Variants in RDH13 observed in about 807,000 individuals in gnomAD.
The protein encoded by RDH13 is retinol dehydrogenase 13 (all-trans and 9-cis).
A neutral mutation model predicts 28.3 loss-of-function variants in RDH13; 35 were observed. The ratio of observed to expected loss-of-function variants is 1.24; its 90% CI spans 0.95 to 1.64. The LOEUF (loss-of-function observed/expected upper bound fraction) is 1.64, where lower values mean the gene tolerates loss of function less well. RDH13 is among the 40% of genes most tolerant of loss of function. The pLI, the probability that RDH13 is intolerant of heterozygous loss-of-function variation, is 0.00. For missense variants in RDH13, 514 were observed against 446.3 expected, an observed-to-expected ratio of 1.15 and a Z score of -1.37; for synonymous variants, 229 against 198.5, an observed-to-expected ratio of 1.15 and a Z score of -1.29.
At chr19:55,048,891 G>T in intron 3 of RDH13, 128 bp from the exon 4 acceptor site, 1 of 809,402 alleles carries the variant, frequency 1.2e-6, no homozygotes, top group Non-Finnish European at 2.0e-6. Context: ...GGTCTGTGCC[G>T]AAGTGGCCAT....
Position 55,044,846 on chromosome 19 carries a change from CCT to C in RDH13, c.*226_*227del, listed in dbSNP as rs907261388. 7.4e-5 allele frequency: 36 copies of C among 486,880 alleles called. No individual in the cohort carries two copies. Among genetic ancestry groups the C allele is most frequent in the Non-Finnish European group, 1.2e-4 (33 of 278,444 alleles). 30.2% of individuals were successfully genotyped at this position (486,880 alleles called of 1,614,324 possible). ...TTCCCAGGGGAAGCATCAGATGGCCCCTCTCCCCTGCTGGCAGCAGAGCAGAC... is the reference window on the plus strand; with the variant it reads ...TTCCCAGGGGAAGCATCAGATGGCCCCTCCCCTGCTGGCAGCAGAGCAGAC... On this transcript the variant is annotated 3_prime_UTR_variant, in exon 7 of 7. Transcript: ENST00000415061.
rs1241791139 is a variant in RDH13, at chr19:55,045,053, C to G, written c.*21G>C. The G allele has an allele frequency of 6.5e-7, 1 of 1,542,972 alleles. No homozygotes were observed. The highest frequency in any genetic ancestry group is 2.3e-5 in the East Asian group (1 of 44,122). ...CCTCGGTCTGGAGGCGCCATCCTGG[C>G]TTTCAAATCTGCTCCAGAGGTTATC... On this transcript the variant is annotated 3_prime_UTR_variant, in exon 7 of 7. Transcript: ENST00000415061.
downstream of RDH13, among the ~76,000 whole-genome samples, chr19:55,040,041 A>C (rs896043041): frequency 6.6e-6 from 1 of 152,116 alleles, no homozygotes; most frequent in African/African-American, 2.4e-5. Context: ...AAAAGTGGGG[A>C]GTTACTATTT....
chr19:55,048,680 G>A lies in RDH13; in HGVS notation c.424C>T (p.Gln142Ter). Residue 142 changes from glutamine to a stop codon, truncating the protein, a stop_gained, in exon 4 of 7, where the codon CAG (glutamine) becomes TAG (stop). Coordinates refer to ENST00000415061, the MANE Select transcript of RDH13 (RefSeq NM_001145971.2). LOFTEE classifies it high-confidence loss of function. ...HWTTEDGFEM[Q>*]FGVNHLGHFL... Reference sequence around the variant, plus strand: ...TCACCCAGGTGGTTAACGCCAAACTGCATCTCGAAGCCGTCCTCGGTGGTC... The same window carrying A: ...TCACCCAGGTGGTTAACGCCAAACTACATCTCGAAGCCGTCCTCGGTGGTC... 2.5e-6 allele frequency: 4 copies of A among 1,613,988 alleles called. No individual in the cohort carries two copies. Among genetic ancestry groups the A allele is most frequent in the Non-Finnish European group, 3.4e-6 (4 of 1,179,994 alleles).
intron 2 of RDH13, among the ~76,000 whole-genome samples, chr19:55,057,810 AT>A (rs1276890306): frequency 1.2e-5 from 1 of 85,422 alleles, no homozygotes; most frequent in African/African-American, 4.3e-5. Context: ...TTTGTTTATT[AT>A]TATTTTTTTT....
chr19:55,064,044 T>G (rs934378439), upstream of RDH13: 1 of 152,132 alleles, frequency 6.6e-6, no homozygotes, highest in Non-Finnish European at 1.5e-5. Context: ...AGGAGTAAGT[T>G]TTCTTCCTCA....
intron 3 of RDH13, among the ~76,000 whole-genome samples, chr19:55,056,156 TCAAAA>T (rs1363773283): frequency 1.3e-5 from 2 of 150,428 alleles, no homozygotes; most frequent in East Asian, 2.0e-4. Flanking sequence ...CCCATCTGTC[TCAAAA>T]CAAACAAACA....
chr19:55,048,400 G>A lies in RDH13; in HGVS notation c.587C>T (p.Thr196Ile), dbSNP rs1479480902. The A allele has an allele frequency of 3.1e-6, 5 of 1,614,190 alleles. No homozygotes were observed. Among genetic ancestry groups the A allele is most frequent in the Admixed American group, 1.7e-5 (1 of 60,008 alleles). ...CTTGCTCTGGCAGTAGGCGGCTTTG[G>A]TGTTATACTTCCTCGTCTGCCAGTT... ...DLNWQTRKYN[T>I]KAAYCQSKLA... The change falls in exon 5 of 7, where the codon ACC (threonine) becomes ATC (isoleucine). Residue 196 changes from threonine to isoleucine, a missense_variant. By Grantham distance (89) the Thr-to-Ile change is moderately conservative. Coordinates refer to ENST00000415061, the MANE Select transcript of RDH13 (RefSeq NM_001145971.2).
rs769019103 is a variant in RDH13, at chr19:55,045,103, A to C, written c.967T>G (p.Ser323Ala). The change falls in exon 7 of 7, where the codon TCT (serine) becomes GCT (alanine). Residue 323 changes from serine (S) to alanine (A), a missense_variant. Transcript: ENST00000415061. ...CTGGGGAGGGGCTGCTCCCTCACAGAGGGAGCCTCTAAGCCCACCAGGCGG... is the reference window on the plus strand; with the variant it reads ...CTGGGGAGGGGCTGCTCCCTCACAGCGGGAGCCTCTAAGCCCACCAGGCGG... ...SARLVGLEAP[S>A]VREQPLPR The C allele has an allele frequency of 1.9e-6, 3 of 1,611,084 alleles. No individual in the cohort carries two copies. Among genetic ancestry groups the C allele is most frequent in the Non-Finnish European group, 2.5e-6 (3 of 1,178,988 alleles).
chr19:55,060,915 C>T (rs185074482), intron 1 of RDH13, among the ~76,000 whole-genome samples: 23 of 152,294 alleles, frequency 1.5e-4, no homozygotes, highest in Admixed American at 1.4e-3. Context: ...CTTAAAACCA[C>T]ATAAGTGCAT....
intron 3 of RDH13, among the ~76,000 whole-genome samples, chr19:55,055,179 G>A (rs570774015): frequency 6.6e-5 from 10 of 152,152 alleles, no homozygotes; most frequent in African/African-American, 2.4e-4. Flanking sequence ...TTGAGACAGA[G>A]TCTCACTCTG....
Position 55,052,109 on chromosome 19 carries a change from T to C in RDH13, c.341-3346A>G, listed in dbSNP as rs2075463037. Among the ~76,000 whole-genome samples the C allele has an allele frequency of 2.9e-5, 4 of 138,778 alleles. 1 individual carries two copies. The allele number at this position is 138,778 out of a possible 152,430, so 91.0% of individuals were successfully genotyped here. On this transcript the variant is annotated intron_variant, in intron 3 of 6. Transcript: ENST00000415061. The stretch of plus-strand genomic sequence containing the variant: ...TTTGGACACAGGGTCTCACCCCGAG[T>C]GCAGTGGTACAATCAAAGCTCACTG...
At chr19:55,052,930 G>A (rs1042468218) in intron 3 of RDH13, among the ~76,000 whole-genome samples, 1 of 146,392 alleles carries the variant, frequency 6.8e-6, no homozygotes, top group African/African-American at 2.5e-5. Flanking sequence ...CCAAAGTGCT[G>A]GGATTACAGG....
chr19:55,045,106 G>T lies in RDH13; in HGVS notation c.964C>A (p.Pro322Thr). 1.2e-6 allele frequency: 2 copies of T among 1,611,500 alleles called. No individual in the cohort carries two copies. The highest frequency in any genetic ancestry group is 4.5e-5 in the East Asian group (2 of 44,828). The change falls in exon 7 of 7, where the codon CCC becomes ACC. Residue 322 changes from proline (P) to threonine (T), a missense_variant. Transcript: ENST00000415061. ...GGGAGGGGCTGCTCCCTCACAGAGG[G>T]AGCCTCTAAGCCCACCAGGCGGGCA... Reference protein sequence around the residue: ...ESARLVGLEAPSVREQPLPR With the variant: ...ESARLVGLEATSVREQPLPR
At chr19:55,042,343 A>AG (rs973349514), downstream of RDH13, 2 of 152,014 alleles carry the variant, frequency 1.3e-5, no homozygotes, top group South Asian at 2.1e-4. Context: ...GCCACCGAAG[A>AG]GGGGGGATAT....
At chr19:55,056,363 TGAGGTCCGCGCTTGAACCCAGGAGGCA>T (rs1290626001) in intron 3 of RDH13, among the ~76,000 whole-genome samples, 7 of 152,028 alleles carry the variant, frequency 4.6e-5, no homozygotes, top group Non-Finnish European at 1.0e-4. Context: ...CTCAGGAGGC[TGAGGTCCGCGCTTGAACCCAGGAGGCA>T]GAGGTTACAG....
intron 3 of RDH13, among the ~76,000 whole-genome samples, chr19:55,056,170 C>CAA (rs772559040): frequency 2.6e-5 from 4 of 151,290 alleles, no homozygotes; most frequent in Non-Finnish European, 5.9e-5. Flanking sequence ...AACAAACAAA[C>CAA]AAAACAAAGT....
intron 1 of RDH13, among the ~76,000 whole-genome samples, chr19:55,062,538 C>T (rs2075838688): frequency 1.3e-5 from 2 of 152,022 alleles, no homozygotes; most frequent in African/African-American, 4.8e-5. Flanking sequence ...AAAAATTAGC[C>T]GGGCGTGGTG....
At chr19:55,067,882 CTCTCCCTCTT>C (rs61170861), upstream of RDH13, among the ~76,000 whole-genome samples, 111,506 of 148,690 alleles carry the variant, frequency 0.75, 42,017 homozygotes, top group Non-Finnish European at 0.76. Flanking sequence ...TCTCATCTCT[CTCTCCCTCTT>C]TCTCTCCCCC....
Sources: gnomAD v4.1 joint callset for allele counts (sites outside exome capture counted in the v4.1 genomes callset) on GRCh38, gnomAD v4.1.1 for gene constraint, MANE v1.5 for transcripts, NCBI Gene and HGNC (gene_info 2026-07-23, HGNC 2026-07-21) for gene names.